Variants in UBAP1L observed in about 807,000 individuals in gnomAD.
UBAP1L encodes the protein ubiquitin associated protein 1 like.
In UBAP1L, 32 loss-of-function variants were observed where a neutral mutation model predicts 32.1. The ratio of observed to expected loss-of-function variants is 1.00; its 90% CI spans 0.75 to 1.34. The LOEUF (loss-of-function observed/expected upper bound fraction) is 1.34, where lower values mean the gene tolerates loss of function less well. Among genes scored for constraint, UBAP1L ranks in the 40% most tolerant of loss-of-function variants. The pLI is 0.00. For missense variants in UBAP1L, 516 were observed against 540.5 expected (o/e 0.95, Z 0.45); for synonymous variants, 243 against 250.2 (o/e 0.97, Z 0.27).
chr15:65,101,197 C>A (rs1318714041), intron 3 of UBAP1L: 1 of 152,270 alleles, frequency 6.6e-6, no homozygotes, highest in Non-Finnish European at 1.5e-5. Flanking sequence ...CATCTCCTGG[C>A]CTGACTGTGG....
chr15:65,114,519 T>G (rs1231680736), intron 1 of UBAP1L, among the ~76,000 whole-genome samples: 1 of 152,222 alleles, frequency 6.6e-6, no homozygotes, highest in Non-Finnish European at 1.5e-5. Flanking sequence ...AATTGGCTGA[T>G]AAGTACTTTT....
intron 2 of UBAP1L, among the ~76,000 whole-genome samples, chr15:65,103,773 G>A (rs554400524): frequency 2.0e-4 from 31 of 152,278 alleles, no homozygotes; most frequent in Non-Finnish European, 3.4e-4. Flanking sequence ...GAAAGAGATT[G>A]GAGCAAAATA....
rs1302347778 is a variant in UBAP1L at position 65,102,650 on chromosome 15, C to T, written c.155G>A (p.Trp52Ter). 6.5e-7 allele frequency: 1 copy of T among 1,548,836 alleles called. No homozygotes were observed. The highest frequency in any genetic ancestry group is 2.0e-5 in the Admixed American group (1 of 50,996). Residue 52 changes from tryptophan to a stop codon, truncating the protein, a stop_gained, in exon 3 of 6, where the codon TGG (tryptophan) becomes TAG (stop). Coordinates refer to ENST00000559089, the MANE Select transcript of UBAP1L (RefSeq NM_001163692.2). LOFTEE classifies it high-confidence loss of function. The surrounding 1 kb of genome is among the most constrained non-coding windows in gnomAD (Gnocchi z 5.0). Reference protein sequence around the residue: ...DFSLERTALFWVEAAGQGPSP... With the variant: ...DFSLERTALF ...GGGTCCCTGGCCGGCGGCCTCCACC[C>T]AGAAGAGTGCCGTCCTCTCCAGGCT...
At position 65,092,925 on chromosome 15, in the gene UBAP1L, C is replaced by T; in HGVS notation, c.*172G>A. The T allele has an allele frequency of 1.0e-6, 1 of 969,000 alleles. No individual in the cohort carries two copies. Among genetic ancestry groups the T allele is most frequent in the Non-Finnish European group, 1.5e-6 (1 of 686,768 alleles). The allele number at this position is 969,000 out of a possible 1,614,324, so 60.0% of individuals were successfully genotyped here. A position where few individuals can be genotyped will look rare whatever the true frequency, so the allele number is the denominator to read the frequency against. ...CCCTCTGCAGAGGCAACTATTTCAA[C>T]TCTTTCAGCAGATTCTGCTGCTGTT... On this transcript the variant is annotated 3_prime_UTR_variant, in exon 6 of 6. Coordinates refer to ENST00000559089, the MANE Select transcript of UBAP1L (RefSeq NM_001163692.2).
chr15:65,093,865 G>A (rs1194506448), intron 5 of UBAP1L, among the ~76,000 whole-genome samples: 1 of 152,076 alleles, frequency 6.6e-6, no homozygotes, highest in Non-Finnish European at 1.5e-5. Flanking sequence ...TCAACATGGT[G>A]AAACTCCGTC....
rs911380517 is a variant in UBAP1L, at chr15:65,112,524, G to C, written c.-174+2626C>G. Among the ~76,000 whole-genome samples, 3 of 152,134 alleles carry C rather than the reference G, an allele frequency of 2.0e-5. No individual in the cohort carries two copies. The East Asian group carries it at 5.8e-4, about 29-fold the overall frequency. ...GGATCTGGGCATGGGGATGGGGAGT[G>C]GGATGGGTGAAGGTGGCACTGATTG... On this transcript the variant is annotated intron_variant, in intron 1 of 5. Coordinates refer to ENST00000559089, the MANE Select transcript of UBAP1L (RefSeq NM_001163692.2).
chr15:65,094,909 C>T lies in UBAP1L; in HGVS notation c.910-333G>A. 2.7e-6 allele frequency: 1 copy of T among 365,564 alleles called. No individual in the cohort carries two copies. Among genetic ancestry groups the T allele is most frequent in the East Asian group, 6.1e-5 (1 of 16,424 alleles). 22.6% of individuals were successfully genotyped at this position (365,564 alleles called of 1,614,324 possible). A position where few individuals can be genotyped will look rare whatever the true frequency, so the allele number is the denominator to read the frequency against. ...AAACACAGACATCCCACCTACCACC[C>T]AACGCAATTCAACATTCATGCACCA... On this transcript the variant is annotated intron_variant, in intron 4 of 5. Coordinates refer to ENST00000559089, the MANE Select transcript of UBAP1L (RefSeq NM_001163692.2). This position sits in a 1 kb window ranked among gnomAD's most constrained non-coding sequence, Gnocchi z 4.2.
rs958655612 is a variant in UBAP1L, at chr15:65,102,112, C to G, written c.693G>C (p.Thr231=). 2.1e-5 allele frequency: 25 copies of G among 1,195,348 alleles called. No individual in the cohort carries two copies. The highest frequency in any genetic ancestry group is 2.5e-5 in the Non-Finnish European group (24 of 962,618). The allele number at this position is 1,195,348 out of a possible 1,614,324, so 74.0% of individuals were successfully genotyped here. Residue 231 remains threonine, a synonymous_variant, in exon 3 of 6, where the codon ACG becomes ACC. Coordinates refer to ENST00000559089, the MANE Select transcript of UBAP1L (RefSeq NM_001163692.2). This position sits in a 1 kb window ranked among gnomAD's most constrained non-coding sequence, Gnocchi z 5.0. Reference sequence around the variant, plus strand: ...GGGCGGGCAGAATCCTTACCGCGACCGTAGGCTTGTGGCTCCGCAGCGGGG... The same window carrying G: ...GGGCGGGCAGAATCCTTACCGCGACGGTAGGCTTGTGGCTCCGCAGCGGGG... ...AIPPLRSHKP[T]VASLSPYTCL...
chr15:65,111,783 C>A (rs2087371055), intron 1 of UBAP1L, among the ~76,000 whole-genome samples: 1 of 151,998 alleles, frequency 6.6e-6, no homozygotes, highest in Non-Finnish European at 1.5e-5. Context: ...CCATGCCCAG[C>A]CTATATCTCT....
intron 2 of UBAP1L, among the ~76,000 whole-genome samples, chr15:65,103,982 C>T (rs2087273984): frequency 1.3e-5 from 2 of 152,090 alleles, no homozygotes; most frequent in African/African-American, 2.4e-5. Flanking sequence ...GGGCTGGGCT[C>T]GGTGGCTCAT....
intron 1 of UBAP1L, among the ~76,000 whole-genome samples, chr15:65,109,482 CAAAAAAAAAA>C (rs571155403): frequency 3.2e-5 from 2 of 63,142 alleles, no homozygotes; most frequent in African/African-American, 7.2e-5. Flanking sequence ...GAATCTGTCT[CAAAAAAAAAA>C]AAAAAAAAAA....
At chr15:65,103,206 A>G (rs1037835521) in intron 2 of UBAP1L, among the ~76,000 whole-genome samples, 2 of 152,122 alleles carry the variant, frequency 1.3e-5, no homozygotes, top group Non-Finnish European at 2.9e-5. Context: ...GTGGAACTCT[A>G]CTTAGTATGG....
rs2087259035 is a variant in UBAP1L, at chr15:65,102,676, G to A, written c.129C>T (p.Phe43=). The change falls in exon 3 of 6, where the codon TTC becomes TTT. Residue 43 remains phenylalanine, a synonymous_variant. Transcript: ENST00000559089. The surrounding 1 kb of genome is among the most constrained non-coding windows in gnomAD (Gnocchi z 5.0). ...AGAAGAGTGCCGTCCTCTCCAGGCT[G>A]AAGTCGTGCTGCGGAAAGAAGGCGA... is the stretch of plus-strand genomic sequence containing the variant. The part of the protein sequence containing the change: ...GEVLLGSMHD[F]SLERTALFWV... The A allele has an allele frequency of 1.3e-6, 2 of 1,547,136 alleles. No individual in the cohort carries two copies. Among genetic ancestry groups the A allele is most frequent in the Non-Finnish European group, 1.7e-6 (2 of 1,146,686 alleles).
At chr15:65,104,999 C>CT in intron 2 of UBAP1L, 1 of 188,090 alleles carries the variant, frequency 5.3e-6, no homozygotes, top group South Asian at 6.3e-5. Context: ...GAGCGAGACT[C>CT]TGTCTCAAAT....
Position 65,094,429 on chromosome 15 carries a change from C to A in UBAP1L, c.1011+46G>T, listed in dbSNP as rs2087151366. ...TGCACACCGGGCTCCTGGGTACACC[C>A]CCATCCCTTCCATCCCCTGGGGCCC... is the stretch of plus-strand genomic sequence containing the variant. On this transcript the variant is annotated intron_variant, in intron 5 of 5. Coordinates refer to ENST00000559089, the MANE Select transcript of UBAP1L (RefSeq NM_001163692.2). This position sits in a 1 kb window ranked among gnomAD's most constrained non-coding sequence, Gnocchi z 4.2. The A allele has an allele frequency of 5.6e-6, 8 of 1,428,462 alleles. No homozygotes were observed. The highest frequency in any genetic ancestry group is 5.7e-6 in the Non-Finnish European group (6 of 1,047,494). The allele number at this position is 1,428,462 out of a possible 1,614,324, so 88.5% of individuals were successfully genotyped here. A position where few individuals can be genotyped will look rare whatever the true frequency, so the allele number is the denominator to read the frequency against.
chr15:65,111,873 C>T (rs898880924), intron 1 of UBAP1L, among the ~76,000 whole-genome samples: 23 of 149,136 alleles, frequency 1.5e-4, no homozygotes, highest in African/African-American at 5.7e-4. Context: ...TCACTGCAAG[C>T]TCCGTCCCCC....
intron 5 of UBAP1L, among the ~76,000 whole-genome samples, chr15:65,093,953 G>A (rs564196375): frequency 3.9e-5 from 6 of 152,284 alleles, no homozygotes; most frequent in South Asian, 2.1e-4. Context: ...AGACCGAGGC[G>A]GGAGAATTGC....
intron 2 of UBAP1L, among the ~76,000 whole-genome samples, chr15:65,103,200 A>C (rs1489801821): frequency 2.0e-5 from 3 of 152,170 alleles, no homozygotes; most frequent in African/African-American, 7.2e-5. Context: ...ATCTTTGTGG[A>C]ACTCTACTTA....
chr15:65,114,869 C>G (rs182727706), intron 1 of UBAP1L, among the ~76,000 whole-genome samples: 168 of 152,290 alleles, frequency 1.1e-3, no homozygotes, highest in African/African-American at 3.8e-3. Flanking sequence ...CAAATGAACT[C>G]TGCAATGGAA....
Sources: allele counts gnomAD v4.1 joint callset (sites outside exome capture counted in the v4.1 genomes callset), GRCh38; gene constraint gnomAD v4.1.1; non-coding constraint Gnocchi (gnomAD v3.1); transcripts MANE v1.5; gene names NCBI Gene and HGNC (gene_info 2026-07-23, HGNC 2026-07-21).